Variants in SLAMF6 observed in about 807,000 individuals in gnomAD.
SLAMF6 encodes the protein NK-T-B-antigen.
SLAMF6 carries 21 observed loss-of-function variants against 38.3 expected under a neutral mutation model. That is an observed-to-expected ratio of 0.55 (90% CI 0.39 to 0.79). The LOEUF (loss-of-function observed/expected upper bound fraction) is 0.79, where lower values mean the gene tolerates loss of function less well. Among genes scored for constraint, SLAMF6 ranks in the 30% least tolerant of loss-of-function variants. SLAMF6 has a pLI of 0.00. For synonymous variants in SLAMF6, 152 were observed against 146.3 expected (o/e 1.04, Z -0.28); for missense variants, 341 against 385.3 (o/e 0.89, Z 0.96).
intron 1 of SLAMF6, among the ~76,000 whole-genome samples, chr1:160,512,173 G>A (rs1488327633): frequency 6.6e-6 from 1 of 152,226 alleles, no homozygotes; most frequent in Non-Finnish European, 1.5e-5. Context: ...TCCCCTGCCA[G>A]TGCCAGAGGG....
chr1:160,511,814 C>G (rs79038729), intron 1 of SLAMF6, among the ~76,000 whole-genome samples: 2,359 of 152,144 alleles, frequency 0.016, 66 homozygotes, highest in African/African-American at 0.054. Context: ...GGTATCCAGG[C>G]TCACTCATTG....
intron 1 of SLAMF6, among the ~76,000 whole-genome samples, chr1:160,519,794 G>A (rs909429642): frequency 1.1e-4 from 16 of 150,916 alleles, no homozygotes; most frequent in African/African-American, 3.9e-4. Flanking sequence ...GGCTGGGGGG[G>A]AGGGGAGAAT....
intron 2 of SLAMF6, among the ~76,000 whole-genome samples, chr1:160,495,161 C>T (rs539886496): frequency 4.6e-5 from 7 of 152,258 alleles, no homozygotes; most frequent in Non-Finnish European, 7.4e-5. Context: ...CATGTCTTAA[C>T]CCAAAGGACT....
Position 160,487,084 on chromosome 1 carries a change from T to C in SLAMF6, c.951+20A>G, listed in dbSNP as rs779016074. The C allele has an allele frequency of 6.3e-7, 1 of 1,579,314 alleles. No individual in the cohort carries two copies. Among genetic ancestry groups the C allele is most frequent in the Admixed American group, 1.7e-5 (1 of 59,136 alleles). On this transcript the variant is annotated intron_variant, in intron 7 of 7. Transcript: ENST00000368057. Reference sequence around the variant, plus strand: ...GGAGAGAGGTAAGAATATAAAAACATGGAGCAATCGTGGGCTTACCTCTTT... The same window carrying C: ...GGAGAGAGGTAAGAATATAAAAACACGGAGCAATCGTGGGCTTACCTCTTT...
intron 1 of SLAMF6, among the ~76,000 whole-genome samples, chr1:160,512,976 C>T (rs1421013888): frequency 6.6e-6 from 1 of 152,164 alleles, no homozygotes; most frequent in East Asian, 1.9e-4. Flanking sequence ...GATTGTAACA[C>T]CTCTCCAGCA....
chr1:160,490,107 T>TCATTATCCAGCCCTCTGC, intron 5 of SLAMF6, 91 bp downstream of exon 5: 4 of 1,416,850 alleles, frequency 2.8e-6, no homozygotes, highest in Non-Finnish European at 4.0e-6. Flanking sequence ...CCTTCCTCTG[T>TCATTATCCAGCCCTCTGC]CATTATCCAG....
At chr1:160,494,746 G>A (rs1401404782) in intron 2 of SLAMF6, among the ~76,000 whole-genome samples, 1 of 152,116 alleles carries the variant, frequency 6.6e-6, no homozygotes, top group African/African-American at 2.4e-5. Context: ...AGTGTTGACA[G>A]CAACCAGAAG....
At chr1:160,498,083 T>C (rs1653688308) in intron 1 of SLAMF6, among the ~76,000 whole-genome samples, 1 of 152,168 alleles carries the variant, frequency 6.6e-6, no homozygotes, top group East Asian at 1.9e-4. Flanking sequence ...AAATTTATAT[T>C]TCCCAATAAC....
At chr1:160,496,485 G>A in intron 1 of SLAMF6, 92 bp from the exon 2 acceptor site, 1 of 1,269,212 alleles carries the variant, frequency 7.9e-7, no homozygotes, top group South Asian at 1.4e-5. Context: ...CAGTCTGTTA[G>A]AGCTCTCTGA....
intron 1 of SLAMF6, 123 bp from the exon 2 acceptor site, chr1:160,496,516 A>T: frequency 2.2e-6 from 2 of 921,686 alleles, no homozygotes; most frequent in Non-Finnish European, 3.3e-6. Flanking sequence ...CAGAGATATG[A>T]CAGAGTAGGA....
At chr1:160,516,202 A>C (rs59620977) in intron 1 of SLAMF6, among the ~76,000 whole-genome samples, 7,125 of 152,030 alleles carry the variant, frequency 0.047, 355 homozygotes, top group African/African-American at 0.12. Context: ...TTCTTATACA[A>C]CACACACAGG....
In SLAMF6 at chr1:160,490,644, T is replaced by C. The variant is rs1653235214; in HGVS notation, c.688A>G (p.Met230Val). The change falls in exon 4 of 8, where the codon ATG (methionine) becomes GTG (valine). Residue 230 changes from methionine to valine, a missense_variant. Coordinates refer to ENST00000368057, the MANE Select transcript of SLAMF6 (RefSeq NM_001184714.2). Reference sequence around the variant, plus strand: ...AAGACTATGCATATCCCAGAAACCATAAACAGAATCATTTTGGTATCTGTA... The same window carrying C: ...AAGACTATGCATATCCCAGAAACCACAAACAGAATCATTTTGGTATCTGTA... ...QYTDTKMILFMVSGICIVFGF... is the reference protein window; with the variant it reads ...QYTDTKMILFVVSGICIVFGF... 3 of 1,613,806 alleles carry C rather than the reference T, an allele frequency of 1.9e-6. No homozygotes were observed. The highest frequency in any genetic ancestry group is 2.5e-6 in the Non-Finnish European group (3 of 1,179,826).
rs889725666 is a variant in SLAMF6 at position 160,487,317 on chromosome 1, G to A, written c.880-142C>T. On this transcript the variant is annotated intron_variant, in intron 6 of 7. Transcript: ENST00000368057. Reference sequence around the variant, plus strand: ...GAAGGCTGGGGAATGTTCAGTGGAAGACCAAGCACGACTAGCTATCAAACT... The same window carrying A: ...GAAGGCTGGGGAATGTTCAGTGGAAAACCAAGCACGACTAGCTATCAAACT... The A allele has an allele frequency of 7.9e-5, 54 of 679,366 alleles. No individual in the cohort carries two copies. In the African/African-American group the frequency reaches 8.0e-4, roughly 10 times the overall value. The allele number at this position is 679,366 out of a possible 1,614,324, so 42.1% of individuals were successfully genotyped here.
chr1:160,519,710 G>A (rs1571320289), intron 1 of SLAMF6, among the ~76,000 whole-genome samples: 1 of 149,260 alleles, frequency 6.7e-6, no homozygotes, highest in East Asian at 2.0e-4. Flanking sequence ...CATATATTGT[G>A]TGATTTCATT....
At chr1:160,498,325 A>T (rs911119352) in intron 1 of SLAMF6, among the ~76,000 whole-genome samples, 3 of 152,094 alleles carry the variant, frequency 2.0e-5, no homozygotes, top group Non-Finnish European at 4.4e-5. Context: ...AAAGTCAAAA[A>T]AGTGTTATTT....
intron 1 of SLAMF6, among the ~76,000 whole-genome samples, chr1:160,511,108 T>A (rs1011027489): frequency 1.3e-4 from 20 of 152,200 alleles, no homozygotes; most frequent in Non-Finnish European, 2.9e-4. Flanking sequence ...ATACATCCTA[T>A]GTTCATTAAT....
At chr1:160,500,671 G>A (rs1450021250) in intron 1 of SLAMF6, among the ~76,000 whole-genome samples, 1 of 152,032 alleles carries the variant, frequency 6.6e-6, no homozygotes, top group Non-Finnish European at 1.5e-5. Context: ...TAATCTCCAT[G>A]GAGACAAAGA....
At chr1:160,502,527 T>TGGTC (rs1174609263) in intron 1 of SLAMF6, among the ~76,000 whole-genome samples, 112 of 152,316 alleles carry the variant, frequency 7.4e-4, no homozygotes, top group African/African-American at 2.7e-3. Context: ...TCCAGGGAAC[T>TGGTC]CAGTGAATGT....
chr1:160,523,224 C>A lies in SLAMF6; in HGVS notation c.-32G>T, dbSNP rs370127676. Reference sequence around the variant, plus strand: ...CGCGGTGAAGACTGGTGCTTGAGACCTTGAGGCAGTCAATGTTTTTGCCCT... The same window carrying A: ...CGCGGTGAAGACTGGTGCTTGAGACATTGAGGCAGTCAATGTTTTTGCCCT... On this transcript the variant is annotated 5_prime_UTR_variant, in exon 1 of 8. The change creates a new upstream start codon in the 5' untranslated region. Coordinates refer to ENST00000368057, the MANE Select transcript of SLAMF6 (RefSeq NM_001184714.2). 9 of 1,607,684 alleles carry A rather than the reference C, an allele frequency of 5.6e-6. No individual in the cohort carries two copies. In the African/African-American group the frequency reaches 9.4e-5, roughly 17 times the overall value.
Sources: allele counts gnomAD v4.1 joint callset (sites outside exome capture counted in the v4.1 genomes callset), GRCh38; gene constraint gnomAD v4.1.1; transcripts MANE v1.5; gene names NCBI Gene and HGNC (gene_info 2026-07-23, HGNC 2026-07-21).